Variants in BCL2 observed in about 807,000 individuals in gnomAD.
The protein encoded by BCL2 is apoptosis regulator Bcl-2.
In BCL2, 1 loss-of-function variant was observed where a neutral mutation model predicts 14.2. The ratio of observed to expected loss-of-function variants is 0.07; its 90% CI spans 0.02 to 0.33. BCL2 has a LOEUF of 0.33. BCL2 is among the 10% of genes least tolerant of loss of function. BCL2 has a pLI of 0.99. For missense variants in BCL2, 247 were observed against 305.9 expected (o/e 0.81, Z 1.44); for synonymous variants, 151 against 137.2 (o/e 1.10, Z -0.70).
chr18:63,203,423 T>C (rs77455214), intron 2 of BCL2, among the ~76,000 whole-genome samples: 238 of 152,320 alleles, frequency 1.6e-3, no homozygotes, highest in African/African-American at 5.1e-3. Context: ...TAACTACTTA[T>C]ATATTTTTAA....
chr18:63,190,346 C>T (rs1183786168), intron 2 of BCL2, among the ~76,000 whole-genome samples: 6 of 152,152 alleles, frequency 3.9e-5, no homozygotes, highest in South Asian at 4.1e-4. Flanking sequence ...CTGTGATTTG[C>T]GAATACAAAT....
intron 2 of BCL2, among the ~76,000 whole-genome samples, chr18:63,217,868 T>TTCA (rs1235398638): frequency 1.3e-5 from 2 of 152,212 alleles, no homozygotes; most frequent in Non-Finnish European, 2.9e-5. Context: ...ACGTTGAGTG[T>TTCA]TCACTTTAAG....
At chr18:63,198,417 CAG>C (rs1909521608) in intron 2 of BCL2, among the ~76,000 whole-genome samples, 3 of 149,210 alleles carry the variant, frequency 2.0e-5, no homozygotes, top group Admixed American at 6.7e-5. Flanking sequence ...CACATAGACA[CAG>C]AGACACACAC....
chr18:63,219,740 G>T (rs931184572), intron 2 of BCL2, among the ~76,000 whole-genome samples: 1 of 152,162 alleles, frequency 6.6e-6, no homozygotes, highest in Admixed American at 6.5e-5. Context: ...AGATGCAAGG[G>T]CAAGTGAGCT....
intron 2 of BCL2, among the ~76,000 whole-genome samples, chr18:63,262,874 C>G (rs921967110): frequency 8.5e-5 from 13 of 152,190 alleles, no homozygotes; most frequent in South Asian, 2.1e-4. Context: ...TTTAGGACTT[C>G]TGTTCTCAGA....
At chr18:63,214,988 C>T (rs984236320) in intron 2 of BCL2, among the ~76,000 whole-genome samples, 10 of 152,106 alleles carry the variant, frequency 6.6e-5, no homozygotes, top group African/African-American at 9.7e-5. Flanking sequence ...GGATTACAGA[C>T]GTGAGCCAGT....
intron 2 of BCL2, among the ~76,000 whole-genome samples, chr18:63,204,693 C>G (rs1909785417): frequency 6.6e-6 from 1 of 152,170 alleles, no homozygotes; most frequent in Non-Finnish European, 1.5e-5. Flanking sequence ...TAATTGATAA[C>G]TGGCACACTC....
chr18:63,167,937 A>AT (rs931630326), intron 2 of BCL2, among the ~76,000 whole-genome samples: 82 of 151,358 alleles, frequency 5.4e-4, no homozygotes, highest in South Asian at 4.2e-4. Flanking sequence ...AAAAAAAAAA[A>AT]AAATAAATAA....
At chr18:63,251,153 T>C (rs1911299631) in intron 2 of BCL2, among the ~76,000 whole-genome samples, 1 of 133,150 alleles carries the variant, frequency 7.5e-6, no homozygotes, top group African/African-American at 3.0e-5. Context: ...CATCCTGAGC[T>C]ATGGAACGGA....
chr18:63,218,097 T>C (rs1400541060), intron 2 of BCL2, among the ~76,000 whole-genome samples: 1 of 152,172 alleles, frequency 6.6e-6, no homozygotes, highest in Non-Finnish European at 1.5e-5. Flanking sequence ...ATCGGTGGTG[T>C]GTTTTCTTCC....
chr18:63,195,619 T>C (rs781063931), intron 2 of BCL2, among the ~76,000 whole-genome samples: 4 of 152,246 alleles, frequency 2.6e-5, no homozygotes, highest in Non-Finnish European at 5.9e-5. Context: ...GCAGGTATTA[T>C]TGCTCTATGC....
intron 2 of BCL2, among the ~76,000 whole-genome samples, chr18:63,292,222 C>CA (rs749093257): frequency 0.13 from 7,303 of 55,906 alleles, 426 homozygotes; most frequent in African/African-American, 0.25. Flanking sequence ...AACCCCAGTG[C>CA]AAAAAAAAAA....
chr18:63,273,196 G>A (rs192903083), intron 2 of BCL2, among the ~76,000 whole-genome samples: 3 of 152,242 alleles, frequency 2.0e-5, no homozygotes, highest in East Asian at 1.9e-4. Context: ...CGCCAGGGTC[G>A]GAATGCTTTC....
chr18:63,279,336 C>A lies in BCL2; in HGVS notation c.585+38746G>T, dbSNP rs575839760. The stretch of plus-strand genomic sequence containing the variant: ...AGCCAGAAGCTGCAAAGAACTCCTA[C>A]AAATTCATAAGAAATAGAAAACAGT... On this transcript the variant is annotated intron_variant, in intron 2 of 2. Coordinates refer to ENST00000333681, the MANE Select transcript of BCL2 (RefSeq NM_000633.3). Among the ~76,000 whole-genome samples the A allele has an allele frequency of 1.8e-4, 27 of 152,310 alleles. No homozygotes were observed. In the South Asian group the frequency reaches 5.4e-3, roughly 30 times the overall value.
intron 2 of BCL2, among the ~76,000 whole-genome samples, chr18:63,283,834 A>G (rs1010726366): frequency 7.9e-5 from 12 of 152,224 alleles, no homozygotes; most frequent in African/African-American, 2.7e-4. Flanking sequence ...GGAAGCAAAG[A>G]CACATTCAAA....
intron 2 of BCL2, among the ~76,000 whole-genome samples, chr18:63,216,400 T>TAAAA (rs35457535): frequency 7.4e-6 from 1 of 134,902 alleles, no homozygotes; most frequent in Non-Finnish European, 1.6e-5. Flanking sequence ...AAATGTTTTC[T>TAAAA]AAAAAAAAAA....
At chr18:63,157,594 A>C (rs1264503965) in intron 2 of BCL2, among the ~76,000 whole-genome samples, 1 of 152,174 alleles carries the variant, frequency 6.6e-6, no homozygotes, top group East Asian at 1.9e-4. Flanking sequence ...CACTTATTAT[A>C]ATTGTAACGC....
At chr18:63,219,451 CTTTTTTT>C (rs11289698) in intron 2 of BCL2, among the ~76,000 whole-genome samples, 2 of 109,782 alleles carry the variant, frequency 1.8e-5, no homozygotes, top group East Asian at 2.6e-4. Flanking sequence ...CACAGCAGAA[CTTTTTTT>C]TTTTTTTTTT....
At chr18:63,242,153 C>T (rs545930413) in intron 2 of BCL2, among the ~76,000 whole-genome samples, 2 of 151,476 alleles carry the variant, frequency 1.3e-5, no homozygotes, top group African/African-American at 4.8e-5. Flanking sequence ...TTCCATTATG[C>T]CAAGCTTCTC....
Sources: allele counts gnomAD v4.1 joint callset (sites outside exome capture counted in the v4.1 genomes callset), GRCh38; gene constraint gnomAD v4.1.1; transcripts MANE v1.5; gene names NCBI Gene and HGNC (gene_info 2026-07-23, HGNC 2026-07-21).